TMEM243: variants seen among roughly 807,000 people sequenced by gnomAD.
TMEM243 encodes MDR1 and mitochondrial taxol resistance associated.
A neutral mutation model predicts 15.0 loss-of-function variants in TMEM243; 20 were observed. That is an observed-to-expected ratio of 1.33 (90% CI 0.94 to 1.93). The LOEUF (loss-of-function observed/expected upper bound fraction) is 1.93. Ranked by LOEUF, TMEM243 falls within the 30% of genes most tolerant of loss-of-function variation. TMEM243 has a pLI of 0.00. For synonymous variants in TMEM243, 72 were observed against 52.7 expected (o/e 1.37, Z -1.59); for missense variants, 156 against 142.1 (o/e 1.10, Z -0.50).
chr7:87,198,999 A>G lies in TMEM243; in HGVS notation c.129+8T>C. 1 of 1,595,790 alleles carries G rather than the reference A, an allele frequency of 6.3e-7. No homozygotes were observed. The highest frequency in any genetic ancestry group is 8.5e-7 in the Non-Finnish European group (1 of 1,174,160). On this transcript the variant is annotated splice_region_variant and intron_variant, in intron 2 of 3. Transcript: ENST00000257637. ...AGCCTGGGTGAGGCACAAAATGAGGATACTTACTAGAATCAATAAGGATGT... is the reference window on the plus strand; with the variant it reads ...AGCCTGGGTGAGGCACAAAATGAGGGTACTTACTAGAATCAATAAGGATGT...
chr7:87,209,895 TGA>T (rs372369411), intron 1 of TMEM243, among the ~76,000 whole-genome samples: 5 of 106,866 alleles, frequency 4.7e-5, no homozygotes, highest in African/African-American at 1.5e-4. Context: ...TGAGAGACAG[TGA>T]GAGAGTGAGA....
chr7:87,201,728 A>T (rs1359990648), intron 1 of TMEM243, among the ~76,000 whole-genome samples: 3 of 152,216 alleles, frequency 2.0e-5, no homozygotes, highest in Non-Finnish European at 4.4e-5. Flanking sequence ...CATTATTTCT[A>T]CTTCTACAGC....
At chr7:87,198,094 G>A in intron 2 of TMEM243, 49 bp from the exon 3 acceptor site, 2 of 1,485,082 alleles carry the variant, frequency 1.3e-6, no homozygotes, top group East Asian at 2.3e-5. Flanking sequence ...TCCAAGACTT[G>A]GTAATTACCA....
chr7:87,198,923 C>G, intron 2 of TMEM243, 84 bp downstream of exon 2: 4 of 1,257,340 alleles, frequency 3.2e-6, no homozygotes, highest in Non-Finnish European at 4.4e-6. Context: ...ACTTATTTAG[C>G]TTTTTTTGGA....
At chr7:87,219,060 C>T (rs1241628071) in intron 1 of TMEM243, among the ~76,000 whole-genome samples, 2 of 152,068 alleles carry the variant, frequency 1.3e-5, no homozygotes, top group African/African-American at 4.8e-5. Flanking sequence ...TCGGCTCTCT[C>T]AGGAAGCTCT....
intron 1 of TMEM243, among the ~76,000 whole-genome samples, chr7:87,209,407 TGA>T (rs1263221776): frequency 2.7e-5 from 4 of 150,294 alleles, no homozygotes; most frequent in African/African-American, 7.4e-5. Context: ...ACATAGTGAA[TGA>T]GAGAGCGAGA....
intron 1 of TMEM243, 38 bp downstream of exon 1, chr7:87,219,388 A>C (rs202099127): frequency 6.3e-7 from 1 of 1,599,650 alleles, no homozygotes; most frequent in South Asian, 1.1e-5. Flanking sequence ...CAGCAGACAC[A>C]CCCCCCATCC....
chr7:87,208,231 A>G (rs1227805518), intron 1 of TMEM243, among the ~76,000 whole-genome samples: 1 of 152,244 alleles, frequency 6.6e-6, no homozygotes, highest in East Asian at 1.9e-4. Flanking sequence ...CATCTGAGAC[A>G]AGTCCACCTA....
At chr7:87,197,553 A>T in intron 3 of TMEM243, 1 of 369,360 alleles carries the variant, frequency 2.7e-6, no homozygotes, top group Non-Finnish European at 4.6e-6. Context: ...TAATAATTAG[A>T]ATTAAATCCA....
intron 1 of TMEM243, among the ~76,000 whole-genome samples, chr7:87,204,318 T>C (rs1802045979): frequency 6.6e-6 from 1 of 152,168 alleles, no homozygotes; most frequent in Non-Finnish European, 1.5e-5. Context: ...ATTTCATCCC[T>C]GGCCCCTCCC....
chr7:87,219,557 C>T lies in TMEM243; in HGVS notation c.-54G>A, dbSNP rs1803353284. 2.6e-6 allele frequency: 4 copies of T among 1,529,876 alleles called. No homozygotes were observed. Among genetic ancestry groups the T allele is most frequent in the Admixed American group, 1.7e-5 (1 of 58,774 alleles). 94.8% of individuals were successfully genotyped at this position (1,529,876 alleles called of 1,614,324 possible). On this transcript the variant is annotated 5_prime_UTR_variant, in exon 1 of 4. Coordinates refer to ENST00000257637, the MANE Select transcript of TMEM243 (RefSeq NM_024315.4). ...ACTTAAAAGCAAGACAGCATGACCT[C>T]CCGAGGTCTCAGGTCCACGACTGCA...
At chr7:87,199,269 T>C (rs1801611568) in intron 1 of TMEM243, 1 of 469,646 alleles carries the variant, frequency 2.1e-6, no homozygotes, top group Admixed American at 3.9e-5. Context: ...GGAAGGTTTC[T>C]TGAAGGGACA....
intron 3 of TMEM243, among the ~76,000 whole-genome samples, chr7:87,196,991 C>T (rs1223829690): frequency 2.6e-5 from 4 of 152,030 alleles, no homozygotes; most frequent in Non-Finnish European, 5.9e-5. Flanking sequence ...TCTATATTCA[C>T]ACCTGTATAC....
At chr7:87,217,871 T>G (rs142964754) in intron 1 of TMEM243, among the ~76,000 whole-genome samples, 25 of 152,334 alleles carry the variant, frequency 1.6e-4, no homozygotes, top group Non-Finnish European at 2.8e-4. Flanking sequence ...GCCCAAGCTG[T>G]TCAGAAAACA....
chr7:87,213,423 T>G (rs867396771), intron 1 of TMEM243, among the ~76,000 whole-genome samples: 10 of 152,332 alleles, frequency 6.6e-5, no homozygotes, highest in South Asian at 4.1e-4. Flanking sequence ...TGACTAACCC[T>G]CCTTTGAGAG....
At chr7:87,203,649 T>C (rs1344859116) in intron 1 of TMEM243, among the ~76,000 whole-genome samples, 1 of 151,970 alleles carries the variant, frequency 6.6e-6, no homozygotes, top group Non-Finnish European at 1.5e-5. Flanking sequence ...ATTTCTCATT[T>C]AAACGCAAAT....
rs1036170776 is a variant in TMEM243, at chr7:87,213,561, T to C, written c.78+5865A>G. Among the ~76,000 whole-genome samples, 11 of 152,230 alleles carry C rather than the reference T, an allele frequency of 7.2e-5. No individual in the cohort carries two copies. The East Asian group carries it at 2.1e-3, about 29-fold the overall frequency. ...GCTGCTGGCACAGACCCAGCTATCT[T>C]AATCATAGCTTTATTCTTTTTCTCT... On this transcript the variant is annotated intron_variant, in intron 1 of 3. Transcript: ENST00000257637.
At chr7:87,197,714 T>TATG in intron 3 of TMEM243, 1 of 429,084 alleles carries the variant, frequency 2.3e-6, no homozygotes, top group Non-Finnish European at 3.0e-6. Flanking sequence ...TTTTTTTTTT[T>TATG]TTAAGCTATC....
In TMEM243 at chr7:87,210,333, A is replaced by G. The variant is rs144818334; in HGVS notation, c.78+9093T>C. On this transcript the variant is annotated intron_variant, in intron 1 of 3. Transcript: ENST00000257637. ...AAACCTCATGTCCTTCTCACATTTC[A>G]AAACCAATCATGCCTTCCCAACAGT... Among the ~76,000 whole-genome samples the G allele has an allele frequency of 9.2e-3, 1,404 of 152,268 alleles. 23 individuals are homozygous for G. Among genetic ancestry groups the G allele is most frequent in the African/African-American group, 0.031 (1,299 of 41,538 alleles).
Sources: gnomAD v4.1 joint callset for allele counts (sites outside exome capture counted in the v4.1 genomes callset) on GRCh38, gnomAD v4.1.1 for gene constraint, MANE v1.5 for transcripts, NCBI Gene and HGNC (gene_info 2026-07-23, HGNC 2026-07-21) for gene names.